Variants in GABRA2 observed in about 807,000 individuals in gnomAD.
GABRA2 encodes gamma-aminobutyric acid type A receptor subunit alpha2.
A neutral mutation model predicts 48.7 loss-of-function variants in GABRA2; 16 were observed. The ratio of observed to expected loss-of-function variants is 0.33; its 90% CI spans 0.22 to 0.50. The LOEUF (loss-of-function observed/expected upper bound fraction) is 0.50. GABRA2 is among the 20% of genes least tolerant of loss of function. GABRA2 has a pLI of 0.98. For missense variants in GABRA2, 275 were observed against 535.6 expected (o/e 0.51, Z 4.80); for synonymous variants, 185 against 184.5 (o/e 1.00, Z -0.02).
chr4:46,344,580 TG>T (rs1243899177), intron 3 of GABRA2, among the ~76,000 whole-genome samples: 1 of 151,710 alleles, frequency 6.6e-6, no homozygotes, highest in East Asian at 1.9e-4. Flanking sequence ...GCAAGGCAGA[TG>T]GGAAAGACTG....
intron 8 of GABRA2, among the ~76,000 whole-genome samples, chr4:46,270,832 G>A (rs532529918): frequency 3.3e-5 from 5 of 151,800 alleles, no homozygotes; most frequent in East Asian, 1.9e-4. Context: ...AAAAATACAC[G>A]CTGAGAAGAA....
chr4:46,290,919 C>T (rs959196989), intron 8 of GABRA2, among the ~76,000 whole-genome samples: 1 of 151,922 alleles, frequency 6.6e-6, no homozygotes, highest in Non-Finnish European at 1.5e-5. Context: ...TGTTGATCCA[C>T]CCTTGTTTAT....
At chr4:46,269,755 G>A (rs1718933559) in intron 8 of GABRA2, among the ~76,000 whole-genome samples, 1 of 151,580 alleles carries the variant, frequency 6.6e-6, no homozygotes. Context: ...TGAAATACCA[G>A]AAATAAAATT....
At chr4:46,338,819 T>A (rs1732715450) in intron 3 of GABRA2, among the ~76,000 whole-genome samples, 1 of 151,910 alleles carries the variant, frequency 6.6e-6, no homozygotes, top group Non-Finnish European at 1.5e-5. Flanking sequence ...GACCTTCTAG[T>A]CTTACTATTT....
intron 3 of GABRA2, among the ~76,000 whole-genome samples, chr4:46,375,184 A>G (rs571114479): frequency 2.0e-5 from 3 of 152,300 alleles, no homozygotes; most frequent in African/African-American, 7.2e-5. Flanking sequence ...GTATCTGATG[A>G]TAAGTTGATA....
At chr4:46,299,671 C>A (rs1021390724) in intron 8 of GABRA2, among the ~76,000 whole-genome samples, 2 of 115,476 alleles carry the variant, frequency 1.7e-5, no homozygotes, top group Non-Finnish European at 3.5e-5. Flanking sequence ...AATTGGGTTT[C>A]TTTCTTTTTT....
chr4:46,307,869 C>A (rs1726968897), intron 6 of GABRA2, among the ~76,000 whole-genome samples: 1 of 152,084 alleles, frequency 6.6e-6, no homozygotes. Flanking sequence ...TTATGCAAAG[C>A]AGATTAAAGC....
chr4:46,266,051 G>GAA (rs1718152032), intron 8 of GABRA2, among the ~76,000 whole-genome samples: 1 of 151,430 alleles, frequency 6.6e-6, no homozygotes, highest in South Asian at 2.1e-4. Flanking sequence ...TTCAATCTTC[G>GAA]AATTTATTGA....
chr4:46,324,984 T>A lies in GABRA2; in HGVS notation c.255+7631A>T, dbSNP rs145074641. 8.7e-3 allele frequency among the ~76,000 whole-genome samples: 1,319 copies of A among 152,078 alleles called. 16 individuals carry two copies. Among genetic ancestry groups the A allele is most frequent in the African/African-American group, 0.03 (1,255 of 41,530 alleles). ...AGTCCACCACCGATGGGCATCTAGG[T>A]TGATTCCATGTCTTTTCTATTGTGA... On this transcript the variant is annotated intron_variant, in intron 4 of 9. Transcript: ENST00000381620.
intron 3 of GABRA2, among the ~76,000 whole-genome samples, chr4:46,369,414 A>T (rs1040042850): frequency 1.2e-4 from 18 of 152,172 alleles, no homozygotes; most frequent in Admixed American, 2.6e-4. Flanking sequence ...ATACCTGTGG[A>T]TTAGAGGATG....
intron 8 of GABRA2, among the ~76,000 whole-genome samples, chr4:46,264,679 A>G (rs1450416120): frequency 6.6e-6 from 1 of 151,892 alleles, no homozygotes; most frequent in Non-Finnish European, 1.5e-5. Context: ...TGGTATTGGT[A>G]TCTTGGTAAT....
chr4:46,276,123 A>T (rs1471543771), intron 8 of GABRA2, among the ~76,000 whole-genome samples: 1 of 152,180 alleles, frequency 6.6e-6, no homozygotes, highest in Non-Finnish European at 1.5e-5. Context: ...AAGAACAAAA[A>T]AACTATTCTC....
At chr4:46,364,983 T>C (rs1411732855) in intron 3 of GABRA2, 2 of 152,226 alleles carry the variant, frequency 1.3e-5, no homozygotes, top group East Asian at 3.8e-4. Flanking sequence ...GCATAACACT[T>C]TCAATCATTT....
intron 8 of GABRA2, among the ~76,000 whole-genome samples, chr4:46,278,990 G>C (rs1353388856): frequency 6.6e-6 from 1 of 151,320 alleles, no homozygotes; most frequent in Non-Finnish European, 1.5e-5. Flanking sequence ...TTTAATATTT[G>C]GTTTTATATT....
At chr4:46,364,874 A>C (rs1713798492) in intron 3 of GABRA2, 1 of 152,202 alleles carries the variant, frequency 6.6e-6, no homozygotes, top group African/African-American at 2.4e-5. Flanking sequence ...CAGTCACAGA[A>C]ATCATACAGG....
At chr4:46,291,872 T>C (rs1723728574) in intron 8 of GABRA2, among the ~76,000 whole-genome samples, 1 of 151,758 alleles carries the variant, frequency 6.6e-6, no homozygotes, top group African/African-American at 2.4e-5. Flanking sequence ...TACAGACTTT[T>C]GTGCCAGGAG....
intron 8 of GABRA2, among the ~76,000 whole-genome samples, chr4:46,263,000 G>A (rs1717356326): frequency 6.7e-6 from 1 of 150,164 alleles, no homozygotes; most frequent in African/African-American, 2.5e-5. Flanking sequence ...GGGAGAGAGA[G>A]AAAGAAAGAA....
At chr4:46,250,653 T>A in intron 9 of GABRA2, 49 bp from the exon 10 acceptor site, 1 of 1,368,456 alleles carries the variant, frequency 7.3e-7, no homozygotes, top group Non-Finnish European at 1.0e-6. Flanking sequence ...GTCTGCTACT[T>A]AACATTTTCT....
chr4:46,385,990 T>C, intron 3 of GABRA2, 84 bp downstream of exon 3: 1 of 760,840 alleles, frequency 1.3e-6, no homozygotes, highest in Admixed American at 2.5e-5. Context: ...CATTCATATA[T>C]AAAAGTATTA....
Sources: gnomAD v4.1 joint callset for allele counts (sites outside exome capture counted in the v4.1 genomes callset) on GRCh38, gnomAD v4.1.1 for gene constraint, MANE v1.5 for transcripts, NCBI Gene and HGNC (gene_info 2026-07-23, HGNC 2026-07-21) for gene names.